Variants in PJA2 observed in about 807,000 individuals in gnomAD.
The protein encoded by PJA2 is E3 ubiquitin-protein ligase Praja-2.
In PJA2, 25 loss-of-function variants were observed where a neutral mutation model predicts 69.3. The observed-to-expected ratio is 0.36, with a 90% CI of 0.26 to 0.50. The LOEUF (loss-of-function observed/expected upper bound fraction) is 0.50, where lower values mean the gene tolerates loss of function less well. Ranked by LOEUF, PJA2 falls within the 20% of genes least tolerant of loss-of-function variation. The pLI, the probability that PJA2 is intolerant of heterozygous loss-of-function variation, is 0.96. For synonymous variants in PJA2, 308 were observed against 277.8 expected (o/e 1.11, Z -1.08); for missense variants, 809 against 830.2 (o/e 0.97, Z 0.31).
At chr5:109,366,084 T>C (rs567856742) in intron 5 of PJA2, among the ~76,000 whole-genome samples, 95 of 152,304 alleles carry the variant, frequency 6.2e-4, no homozygotes, top group African/African-American at 2.2e-3. Flanking sequence ...TTTAATTAGG[T>C]TGTCATAATT....
Position 109,341,425 on chromosome 5 carries a change from G to A in PJA2, c.2001+2765C>T, listed in dbSNP as rs1394607913. Reference sequence around the variant, plus strand: ...CGGGCAACCACCCCGTCTGAGAAGTGAGGAGCCCCTCCGCCCGGCAGCTGC... The same window carrying A: ...CGGGCAACCACCCCGTCTGAGAAGTAAGGAGCCCCTCCGCCCGGCAGCTGC... On this transcript the variant is annotated intron_variant, in intron 9 of 9. Coordinates refer to ENST00000361189, the MANE Select transcript of PJA2 (RefSeq NM_014819.5). Among the ~76,000 whole-genome samples the A allele has an allele frequency of 7.8e-4, 111 of 142,822 alleles. 1 individual carries two copies. Among genetic ancestry groups the A allele is most frequent in the African/African-American group, 2.7e-3 (105 of 38,194 alleles). 93.7% of individuals were successfully genotyped at this position (142,822 alleles called of 152,430 possible).
intron 5 of PJA2, 28 bp downstream of exon 5, chr5:109,368,533 G>A (rs1417615420): frequency 2.5e-6 from 4 of 1,583,338 alleles, no homozygotes; most frequent in South Asian, 1.1e-5. Context: ...ACAATATACA[G>A]AAAAATAAAT....
chr5:109,373,775 T>C (rs780253946), intron 4 of PJA2, among the ~76,000 whole-genome samples: 5 of 152,204 alleles, frequency 3.3e-5, no homozygotes, highest in East Asian at 1.9e-4. Flanking sequence ...CAGACAACTA[T>C]AATTTACTCA....
Position 109,337,142 on chromosome 5 carries a change from T to A in PJA2, c.*89A>T. 1.5e-5 allele frequency: 18 copies of A among 1,207,032 alleles called. No homozygotes were observed. The highest frequency in any genetic ancestry group is 2.0e-5 in the Non-Finnish European group (18 of 898,630). The allele number at this position is 1,207,032 out of a possible 1,614,324, so 74.8% of individuals were successfully genotyped here. A position where few individuals can be genotyped will look rare whatever the true frequency, so the allele number is the denominator to read the frequency against. ...ATATACTATATATAGCATTTTTAAA[T>A]ATATTTATATATAATTATTTGCACA... On this transcript the variant is annotated 3_prime_UTR_variant, in exon 10 of 10. Coordinates refer to ENST00000361189, the MANE Select transcript of PJA2 (RefSeq NM_014819.5).
chr5:109,389,066 G>C (rs1747226869), intron 1 of PJA2, among the ~76,000 whole-genome samples: 1 of 152,096 alleles, frequency 6.6e-6, no homozygotes, highest in South Asian at 2.1e-4. Flanking sequence ...TATCTCACTG[G>C]ATTATTCTTT....
At chr5:109,351,963 G>GA (rs1209870169) in intron 7 of PJA2, among the ~76,000 whole-genome samples, 2 of 152,114 alleles carry the variant, frequency 1.3e-5, no homozygotes, top group Non-Finnish European at 2.9e-5. Flanking sequence ...TCTGAAGAGT[G>GA]ACAGGAAGAC....
intron 9 of PJA2, among the ~76,000 whole-genome samples, chr5:109,343,926 T>C (rs1762129332): frequency 6.6e-6 from 1 of 151,694 alleles, no homozygotes; most frequent in South Asian, 2.1e-4. Context: ...CGAAACTCTG[T>C]CTCTACTAAA....
chr5:109,399,007 T>C (rs759804822), intron 1 of PJA2, among the ~76,000 whole-genome samples: 3 of 150,998 alleles, frequency 2.0e-5, no homozygotes, highest in Non-Finnish European at 3.0e-5. Flanking sequence ...AGGTCAGGAG[T>C]TCGAGACCAG....
At chr5:109,357,069 A>T (rs1440455923) in intron 6 of PJA2, among the ~76,000 whole-genome samples, 1 of 152,112 alleles carries the variant, frequency 6.6e-6, no homozygotes, top group Non-Finnish European at 1.5e-5. Context: ...CATTTTCTTC[A>T]ATTATCCTCT....
rs1386368552 is a variant in PJA2 at position 109,378,902 on chromosome 5, T to C, written c.585A>G (p.Glu195=). ...AEVVEGSRYQ[E]SLGNTVFELE... is the part of the protein sequence containing the mutation. ...ACTCAAATACTGTATTGCCTAATGA[T>C]TCCTGGTATCTACTACCTTCCACGA... Residue 195 remains glutamate (E), a synonymous_variant, in exon 4 of 10, where the codon GAA becomes GAG. Coordinates refer to ENST00000361189, the MANE Select transcript of PJA2 (RefSeq NM_014819.5). 19 of 1,614,060 alleles carry C rather than the reference T, an allele frequency of 1.2e-5. No homozygotes were observed. Among genetic ancestry groups the C allele is most frequent in the Admixed American group, 1.7e-5 (1 of 59,998 alleles).
At chr5:109,375,949 G>C (rs1029374582) in intron 4 of PJA2, among the ~76,000 whole-genome samples, 15 of 152,228 alleles carry the variant, frequency 9.9e-5, no homozygotes, top group African/African-American at 3.6e-4. Flanking sequence ...TTCAGAAATA[G>C]AATAATCTGT....
rs114144289 is a variant in PJA2 at position 109,386,593 on chromosome 5, G to C, written c.-87-3073C>G. The stretch of plus-strand genomic sequence containing the variant: ...TCAGCTACTTCTGTGGAAATCTTTT[G>C]ATTGTACTACCCGCTCAGGTTAAGT... On this transcript the variant is annotated intron_variant, in intron 1 of 9. Coordinates refer to ENST00000361189, the MANE Select transcript of PJA2 (RefSeq NM_014819.5). 6.9e-3 allele frequency among the ~76,000 whole-genome samples: 1,057 copies of C among 152,150 alleles called. 12 individuals are homozygous for C. The highest frequency in any genetic ancestry group is 0.024 in the African/African-American group (999 of 41,508).
At chr5:109,341,671 G>A (rs1241823735) in intron 9 of PJA2, among the ~76,000 whole-genome samples, 17 of 26,476 alleles carry the variant, frequency 6.4e-4, no homozygotes, top group Admixed American at 1.0e-3. Flanking sequence ...CCTCCGCCCG[G>A]CCAGCCGCCC....
intron 1 of PJA2, among the ~76,000 whole-genome samples, chr5:109,401,294 G>A (rs997543998): frequency 4.6e-5 from 7 of 151,898 alleles, no homozygotes; most frequent in East Asian, 3.9e-4. Context: ...AAAAACAACC[G>A]CTACCACCAC....
At chr5:109,342,382 G>A (rs531700237) in intron 9 of PJA2, among the ~76,000 whole-genome samples, 3,380 of 68,362 alleles carry the variant, frequency 0.049, 4 homozygotes, top group African/African-American at 0.13. Flanking sequence ...AGGTGGGGGG[G>A]TCGGCCCCCT....
intron 4 of PJA2, among the ~76,000 whole-genome samples, chr5:109,369,975 T>G (rs1762648892): frequency 7.3e-6 from 1 of 137,420 alleles, no homozygotes; most frequent in East Asian, 2.1e-4. Context: ...GAGGTTGCAG[T>G]GAGCAGAGAT....
intron 7 of PJA2, among the ~76,000 whole-genome samples, chr5:109,345,420 G>A (rs2126987776): frequency 6.7e-6 from 1 of 149,792 alleles, no homozygotes; most frequent in East Asian, 2.0e-4. Context: ...GGGAGACTGA[G>A]GCAGGAGAAT....
intron 1 of PJA2, among the ~76,000 whole-genome samples, chr5:109,403,421 C>G (rs988808934): frequency 6.6e-6 from 1 of 151,934 alleles, no homozygotes; most frequent in Admixed American, 6.5e-5. Flanking sequence ...CAGAAGAGTT[C>G]ACATGCAAAC....
intron 1 of PJA2, among the ~76,000 whole-genome samples, chr5:109,396,368 G>C (rs1263180455): frequency 7.2e-6 from 1 of 138,930 alleles, no homozygotes; most frequent in Admixed American, 7.1e-5. Flanking sequence ...TGAAATGTCA[G>C]CATCATTTTC....
Sources: allele counts gnomAD v4.1 joint callset (sites outside exome capture counted in the v4.1 genomes callset), GRCh38; gene constraint gnomAD v4.1.1; transcripts MANE v1.5; gene names NCBI Gene and HGNC (gene_info 2026-07-23, HGNC 2026-07-21).